TMEM233: variants seen among roughly 807,000 people sequenced by gnomAD.
TMEM233 encodes dispanin subfamily B member 2.
Under a neutral mutation model 11.2 loss-of-function variants are expected in TMEM233, and 6 were observed. That is an observed-to-expected ratio of 0.54 (90% confidence interval 0.29 to 1.06). TMEM233 has a LOEUF of 1.06. Among genes scored for constraint, TMEM233 ranks in the 50% least tolerant of loss-of-function variants. TMEM233 has a pLI of 0.08. For synonymous variants in TMEM233, 59 were observed against 55.8 expected (o/e 1.06, Z -0.26); for missense variants, 127 against 144.7 (o/e 0.88, Z 0.63).
intron 2 of TMEM233, among the ~76,000 whole-genome samples, chr12:119,638,875 T>C (rs1207104682): frequency 6.6e-6 from 1 of 152,058 alleles, no homozygotes; most frequent in Non-Finnish European, 1.5e-5. Context: ...CGTCTCTATT[T>C]TTTTTTAAGT....
chr12:119,602,994 C>A (rs1466593275), intron 1 of TMEM233, among the ~76,000 whole-genome samples: 3 of 152,156 alleles, frequency 2.0e-5, no homozygotes, highest in Admixed American at 6.5e-5. Flanking sequence ...GAAGCTCATG[C>A]CTGTAATCCC....
At position 119,640,874 on chromosome 12, in the gene TMEM233, G is replaced by C. The variant is rs568960754; in HGVS notation, c.*169G>C. On this transcript the variant is annotated 3_prime_UTR_variant, in exon 3 of 3. Coordinates refer to ENST00000426426, the MANE Select transcript of TMEM233 (RefSeq NM_001136534.3). ...TGAACAAGAAAAAAAAAAAAAAAAA[G>C]TCCAAAATTTAGGCAATCCAAGCTG... 8.7e-5 allele frequency: 49 copies of C among 566,220 alleles called. No homozygotes were observed. The African/African-American group carries it at 9.9e-4, about 11-fold the overall frequency. The allele number at this position is 566,220 out of a possible 1,614,324, so 35.1% of individuals were successfully genotyped here. A position where few individuals can be genotyped will look rare whatever the true frequency, so the allele number is the denominator to read the frequency against.
chr12:119,597,712 A>G (rs913575054), intron 1 of TMEM233, among the ~76,000 whole-genome samples: 5 of 152,156 alleles, frequency 3.3e-5, no homozygotes, highest in African/African-American at 1.2e-4. Context: ...CACACTACAG[A>G]CAAGCTCTAG....
chr12:119,653,353 T>C, the TMEM233 span, among the ~76,000 whole-genome samples: 1,798 of 134,854 alleles, frequency 0.013, 40 homozygotes, highest in African/African-American at 0.049. Context: ...GATCACACCA[T>C]TGCACTCCAG....
chr12:119,597,364 C>T (rs1954068458), intron 1 of TMEM233, among the ~76,000 whole-genome samples: 1 of 152,052 alleles, frequency 6.6e-6, no homozygotes, highest in Non-Finnish European at 1.5e-5. Context: ...TTCCCAATAC[C>T]AAGACCATCC....
downstream of TMEM233, among the ~76,000 whole-genome samples, chr12:119,647,711 C>T (rs55846913): frequency 1.7e-3 from 253 of 152,140 alleles, no homozygotes; most frequent in African/African-American, 5.7e-3. Flanking sequence ...ACCTATCAAC[C>T]TATTATCTAG....
rs918109998 is a variant in TMEM233, at chr12:119,594,296, C to T, written c.186+262C>T. The T allele has an allele frequency of 4.4e-6, 2 of 452,078 alleles. No individual in the cohort carries two copies. Among genetic ancestry groups the T allele is most frequent in the Non-Finnish European group, 7.9e-6 (2 of 254,254 alleles). The allele number at this position is 452,078 out of a possible 1,614,324, so 28.0% of individuals were successfully genotyped here. A position where few individuals can be genotyped will look rare whatever the true frequency, so the allele number is the denominator to read the frequency against. ...AGGCTAGCTTTCCTCTTCTTTCCAG[C>T]TCCCAGGGTGCGTTTCCTCTCCAAC... On this transcript the variant is annotated intron_variant, in intron 1 of 2. Transcript: ENST00000426426. This position sits in a 1 kb window ranked among gnomAD's most constrained non-coding sequence, Gnocchi z 5.6.
Position 119,639,621 on chromosome 12 carries a change from C to CA in TMEM233, c.324-1068dup, listed in dbSNP as rs560859869. Among the ~76,000 whole-genome samples the CA allele has an allele frequency of 2.7e-4, 39 of 143,824 alleles. 1 individual carries two copies. Among genetic ancestry groups the CA allele is most frequent in the South Asian group, 1.1e-3 (5 of 4,508 alleles). 94.4% of individuals were successfully genotyped at this position (143,824 alleles called of 152,430 possible). On this transcript the variant is annotated intron_variant, in intron 2 of 2. Transcript: ENST00000426426. ...TGGGCAACAGAGCGAGACTCCATCT[C>CA]AAAAAAAAAAGAAAAAAAGAAAAAG...
intron 1 of TMEM233, among the ~76,000 whole-genome samples, chr12:119,604,964 C>G (rs1296798624): frequency 1.3e-5 from 2 of 150,232 alleles, no homozygotes; most frequent in Non-Finnish European, 3.0e-5. Context: ...TCTCCGTAGC[C>G]AAACTTTTGC....
chr12:119,613,899 C>T lies in TMEM233; in HGVS notation c.187-15837C>T, dbSNP rs186206766. ...CCAGAATGAGCAGATGCTGGCCACA[C>T]GAGACAGAAAGAGAAGAGGGCCACA... On this transcript the variant is annotated intron_variant, in intron 1 of 2. Coordinates refer to ENST00000426426, the MANE Select transcript of TMEM233 (RefSeq NM_001136534.3). 5.3e-5 allele frequency among the ~76,000 whole-genome samples: 8 copies of T among 151,830 alleles called. No individual in the cohort carries two copies. The East Asian group carries it at 7.8e-4, about 15-fold the overall frequency.
Position 119,629,892 on chromosome 12 carries a change from C to T in TMEM233, c.323+20C>T. The T allele has an allele frequency of 6.5e-7, 1 of 1,546,840 alleles. No homozygotes were observed. The highest frequency in any genetic ancestry group is 8.7e-7 in the Non-Finnish European group (1 of 1,144,760). On this transcript the variant is annotated intron_variant, in intron 2 of 2. Coordinates refer to ENST00000426426, the MANE Select transcript of TMEM233 (RefSeq NM_001136534.3). ...AAGGAAGTAAGTAGGCTTTTTGAAT[C>T]CCTCCCCATGTCAAACGCCCTTTCT... is the stretch of plus-strand genomic sequence containing the variant.
At chr12:119,640,643 A>G in intron 2 of TMEM233, 56 bp from the exon 3 acceptor site, 1 of 1,545,410 alleles carries the variant, frequency 6.5e-7, no homozygotes, top group South Asian at 1.2e-5. Flanking sequence ...GGGAAAGCCA[A>G]CCACAGAAGC....
At chr12:119,601,574 C>T (rs992363924) in intron 1 of TMEM233, among the ~76,000 whole-genome samples, 2 of 149,786 alleles carry the variant, frequency 1.3e-5, no homozygotes, top group Non-Finnish European at 1.5e-5. Flanking sequence ...AGGAGAATGG[C>T]GTGAACCTGA....
chr12:119,619,104 T>A (rs2136733134), intron 1 of TMEM233, among the ~76,000 whole-genome samples: 1 of 152,280 alleles, frequency 6.6e-6, no homozygotes, highest in African/African-American at 2.4e-5. Flanking sequence ...GATGGTTTTA[T>A]AAGGGGCTTC....
rs146129957 is a variant in TMEM233 at position 119,642,970 on chromosome 12, T to C, written c.*2265T>C. ...TGGACCCTGATTTCTGTTTCTGACA[T>C]CCTGTTTTTTGTTTGTGCGTGTTTG... is the stretch of plus-strand genomic sequence containing the variant. On this transcript the variant is annotated 3_prime_UTR_variant, in exon 3 of 3. Coordinates refer to ENST00000426426, the MANE Select transcript of TMEM233 (RefSeq NM_001136534.3). 3.0e-4 allele frequency: 46 copies of C among 152,328 alleles called. No individual in the cohort carries two copies. Among genetic ancestry groups the C allele is most frequent in the African/African-American group, 1.0e-3 (43 of 41,568 alleles). 9.4% of individuals were successfully genotyped at this position (152,328 alleles called of 1,614,324 possible).
chr12:119,651,032 A>G, the TMEM233 span, among the ~76,000 whole-genome samples: 16 of 152,366 alleles, frequency 1.1e-4, no homozygotes, highest in African/African-American at 3.8e-4. Context: ...CACAGGAAAG[A>G]AAAAACAGCT....
chr12:119,626,522 AG>A (rs1248112894), intron 1 of TMEM233, among the ~76,000 whole-genome samples: 10 of 57,172 alleles, frequency 1.7e-4, no homozygotes, highest in African/African-American at 4.9e-4. Flanking sequence ...GAGGAGGAGA[AG>A]GGAGAAGGGA....
In TMEM233 at chr12:119,640,758, C is replaced by A; in HGVS notation, c.*53C>A. On this transcript the variant is annotated 3_prime_UTR_variant, in exon 3 of 3. Coordinates refer to ENST00000426426, the MANE Select transcript of TMEM233 (RefSeq NM_001136534.3). The stretch of plus-strand genomic sequence containing the variant: ...GTGGAGGATGGACCTCATCCACACA[C>A]ACCCCAAAGGAGTTTCTAAGGAATG... The A allele has an allele frequency of 6.5e-7, 1 of 1,548,808 alleles. No homozygotes were observed. The highest frequency in any genetic ancestry group is 8.7e-7 in the Non-Finnish European group (1 of 1,145,404).
chr12:119,625,871 CATTATT>C (rs1288379633), intron 1 of TMEM233, among the ~76,000 whole-genome samples: 2 of 152,130 alleles, frequency 1.3e-5, no homozygotes, highest in East Asian at 3.8e-4. Context: ...AGAAATTTAA[CATTATT>C]ATTATCTAAC....
Sources: allele counts gnomAD v4.1 joint callset (sites outside exome capture counted in the v4.1 genomes callset), GRCh38; gene constraint gnomAD v4.1.1; non-coding constraint Gnocchi (gnomAD v3.1); transcripts MANE v1.5; gene names NCBI Gene and HGNC (gene_info 2026-07-23, HGNC 2026-07-21).